TRPC5: variants seen among roughly 807,000 people sequenced by gnomAD.
TRPC5 encodes the protein short transient receptor potential channel 5.
A neutral mutation model predicts 56.5 loss-of-function variants in TRPC5; 9 were observed. The observed-to-expected ratio is 0.16, with a 90% CI of 0.10 to 0.28. The LOEUF is 0.28. Among genes scored for constraint, TRPC5 ranks in the 10% least tolerant of loss-of-function variants. The pLI is 1.00. For synonymous variants in TRPC5, 282 were observed against 278.5 expected (o/e 1.01, Z -0.13); for missense variants, 469 against 748.9 (o/e 0.63, Z 4.36).
chrX:112,006,539 A>G (rs1353829425), intron 1 of TRPC5, among the ~76,000 whole-genome samples: 1 of 111,408 alleles, frequency 9.0e-6, no homozygotes, highest in East Asian at 2.8e-4. Context: ...ACAGCTAACA[A>G]GTGTAGAACC....
At chrX:112,054,197 G>T (rs1214948606) in intron 1 of TRPC5, among the ~76,000 whole-genome samples, 1 of 111,990 alleles carries the variant, frequency 8.9e-6, no homozygotes, top group Non-Finnish European at 1.9e-5. Flanking sequence ...GCAAGGTGGA[G>T]CAGAGGAATA....
At chrX:111,975,276 C>T (rs1029210487) in intron 1 of TRPC5, among the ~76,000 whole-genome samples, 3 of 103,946 alleles carry the variant, frequency 2.9e-5, no homozygotes, top group African/African-American at 1.1e-4. Context: ...TGACTGTATA[C>T]AATAAAGAAC....
chrX:112,047,550 A>G (rs933305173), intron 1 of TRPC5, among the ~76,000 whole-genome samples: 9 of 112,269 alleles, frequency 8.0e-5, no homozygotes, highest in African/African-American at 2.6e-4. Context: ...ATACAGTGTT[A>G]TTGATAAGCT....
At chrX:111,902,672 A>T (rs1569527787) in intron 3 of TRPC5, 1 of 112,598 alleles carries the variant, frequency 8.9e-6, no homozygotes, top group Non-Finnish European at 1.9e-5. Flanking sequence ...CTCCTTACTT[A>T]TCCTTTAAGA....
intron 1 of TRPC5, among the ~76,000 whole-genome samples, chrX:112,043,837 T>C: frequency 9.0e-6 from 1 of 110,778 alleles, no homozygotes; most frequent in East Asian, 2.8e-4. Context: ...CTTGAAGAAA[T>C]TAGATTTTAA....
At chrX:112,040,176 G>A (rs1929856040) in intron 1 of TRPC5, among the ~76,000 whole-genome samples, 2 of 111,595 alleles carry the variant, frequency 1.8e-5, no homozygotes, top group Admixed American at 1.9e-4. Flanking sequence ...GGGTTGTGGG[G>A]GAAAGTCTTA....
Position 111,826,533 on chromosome X carries a change from C to G in TRPC5, c.1896+8388G>C, listed in dbSNP as rs748671317. The stretch of plus-strand genomic sequence containing the variant: ...ATCACAAGCTGAGATGAGAAAAATA[C>G]GTAGATTGCCTGAGGGCATCCCAAA... On this transcript the variant is annotated intron_variant, in intron 7 of 10. Transcript: ENST00000262839. Among the ~76,000 whole-genome samples the G allele has an allele frequency of 2.7e-5, 3 of 112,372 alleles. No homozygotes were observed. In the East Asian group the frequency reaches 8.4e-4, roughly 32 times the overall value.
intron 2 of TRPC5, among the ~76,000 whole-genome samples, chrX:111,919,102 C>T (rs187667248): frequency 2.6e-3 from 295 of 111,548 alleles, no homozygotes; most frequent in Non-Finnish European, 3.8e-3. Flanking sequence ...TTGAGGAGGG[C>T]TTCTGAGAGG....
At position 111,992,716 on chromosome X, in the gene TRPC5, C is replaced by T. The variant is rs776742991; in HGVS notation, c.-21-40275G>A. On this transcript the variant is annotated intron_variant, in intron 1 of 10. Coordinates refer to ENST00000262839, the MANE Select transcript of TRPC5 (RefSeq NM_012471.3). ...CTCCCGGGCTCAGGCAATTCTCCTGCCTCAGCCTCGTGAGTAGCTGGGATT... is the reference window on the plus strand; with the variant it reads ...CTCCCGGGCTCAGGCAATTCTCCTGTCTCAGCCTCGTGAGTAGCTGGGATT... Among the ~76,000 whole-genome samples, 183 of 109,002 alleles carry T rather than the reference C, an allele frequency of 1.7e-3. 1 individual carries two copies. Among genetic ancestry groups the T allele is most frequent in the African/African-American group, 5.5e-3 (165 of 29,978 alleles). The allele number at this position is 109,002 out of a possible 115,157, so 94.7% of individuals were successfully genotyped here. A position where few individuals can be genotyped will look rare whatever the true frequency, so the allele number is the denominator to read the frequency against.
rs941696064 is a variant in TRPC5, at chrX:111,843,059, T to TA, written c.1700+4054dup. 1.1e-4 allele frequency among the ~76,000 whole-genome samples: 12 copies of TA among 112,793 alleles called. 1 individual carries two copies. The highest frequency in any genetic ancestry group is 2.9e-4 in the African/African-American group (9 of 31,093). On this transcript the variant is annotated intron_variant, in intron 6 of 10. Transcript: ENST00000262839. Reference sequence around the variant, plus strand: ...AATGTACTACAGCTATGCAAGATGTTATGCCTGGGAAAAATGGGTGAAGGA... The same window carrying TA: ...AATGTACTACAGCTATGCAAGATGTTAATGCCTGGGAAAAATGGGTGAAGGA...
At chrX:111,797,622 G>T (rs1363290612) in intron 7 of TRPC5, among the ~76,000 whole-genome samples, 1 of 111,967 alleles carries the variant, frequency 8.9e-6, no homozygotes, top group Non-Finnish European at 1.9e-5. Flanking sequence ...ACAAATTTGT[G>T]TTTAAAAATA....
intron 2 of TRPC5, among the ~76,000 whole-genome samples, chrX:111,925,288 C>G (rs1402210903): frequency 8.9e-6 from 1 of 112,404 alleles, no homozygotes; most frequent in Non-Finnish European, 1.9e-5. Context: ...GCCCAGATTT[C>G]TGTGTCTGAG....
At chrX:111,779,826 T>C (rs150759100) in intron 9 of TRPC5, among the ~76,000 whole-genome samples, 25 of 112,165 alleles carry the variant, frequency 2.2e-4, no homozygotes, top group African/African-American at 7.8e-4. Context: ...TACTTCAGTC[T>C]GATTTCAAGG....
chrX:111,821,594 G>C (rs937614365), intron 7 of TRPC5, among the ~76,000 whole-genome samples: 2 of 111,922 alleles, frequency 1.8e-5, no homozygotes, highest in African/African-American at 3.2e-5. Flanking sequence ...GTAACCACAG[G>C]AAGAGAGAGG....
intron 1 of TRPC5, among the ~76,000 whole-genome samples, chrX:112,023,958 T>C (rs1205099272): frequency 9.0e-6 from 1 of 111,474 alleles, no homozygotes; most frequent in Non-Finnish European, 1.9e-5. Context: ...CCCTCATTTA[T>C]AGAGTTAGGG....
intron 1 of TRPC5, among the ~76,000 whole-genome samples, chrX:112,019,528 C>T (rs975237261): frequency 2.7e-5 from 3 of 110,406 alleles, no homozygotes; most frequent in East Asian, 2.8e-4. Context: ...CTCCGCCTCG[C>T]GGGTTCACGC....
intron 1 of TRPC5, among the ~76,000 whole-genome samples, chrX:111,972,248 C>CA (rs1191503280): frequency 1.8e-5 from 2 of 111,912 alleles, no homozygotes; most frequent in East Asian, 5.6e-4. Context: ...TTTTTAGTGA[C>CA]AGAGACCTTC....
chrX:112,021,680 C>T (rs1024477948), intron 1 of TRPC5, among the ~76,000 whole-genome samples: 4 of 112,342 alleles, frequency 3.6e-5, no homozygotes, highest in African/African-American at 1.3e-4. Context: ...AAATAATAGA[C>T]ATTGAACAGT....
chrX:112,030,358 T>C (rs1280824284), intron 1 of TRPC5, among the ~76,000 whole-genome samples: 3 of 112,432 alleles, frequency 2.7e-5, no homozygotes, highest in African/African-American at 9.7e-5. Context: ...CCGAAGTCCA[T>C]AGCTAGTAAG....
Sources: gnomAD v4.1 joint callset for allele counts (sites outside exome capture counted in the v4.1 genomes callset) on GRCh38, gnomAD v4.1.1 for gene constraint, MANE v1.5 for transcripts, NCBI Gene and HGNC (gene_info 2026-07-23, HGNC 2026-07-21) for gene names.